The following PDS5A variants were observed in gnomAD, a reference collection of about 807,000 sequenced individuals.
PDS5A encodes the protein sister chromatid cohesion protein PDS5 homolog A.
Under a neutral mutation model 167.1 loss-of-function variants are expected in PDS5A, and 42 were observed. The ratio of observed to expected loss-of-function variants is 0.25; its 90% CI spans 0.20 to 0.33. The LOEUF (loss-of-function observed/expected upper bound fraction) is 0.33, where lower values mean the gene tolerates loss of function less well. Among genes scored for constraint, PDS5A ranks in the 10% least tolerant of loss-of-function variants. PDS5A has a pLI of 1.00. For synonymous variants in PDS5A, 553 were observed against 554.6 expected (o/e 1.00, Z 0.04); for missense variants, 1,033 against 1,605.9 (o/e 0.64, Z 6.10).
At chr4:39,960,776 A>G (rs575319218) in intron 2 of PDS5A, among the ~76,000 whole-genome samples, 16 of 149,484 alleles carry the variant, frequency 1.1e-4, no homozygotes, top group Middle Eastern at 3.5e-3. Context: ...TGCAACCTCC[A>G]CCTCCCGGGT....
intron 17 of PDS5A, among the ~76,000 whole-genome samples, chr4:39,885,036 G>C (rs1326059843): frequency 6.6e-6 from 1 of 152,102 alleles, no homozygotes; most frequent in Admixed American, 6.5e-5. Context: ...GCCGAGGTGG[G>C]CAGATTGCTT....
intron 2 of PDS5A, among the ~76,000 whole-genome samples, chr4:39,946,760 C>T (rs1727810091): frequency 6.6e-6 from 1 of 151,400 alleles, no homozygotes; most frequent in African/African-American, 2.4e-5. Context: ...ACTAAAAATA[C>T]AAAAAATCAG....
chr4:39,885,681 G>A (rs901411143), intron 17 of PDS5A, among the ~76,000 whole-genome samples: 9 of 151,958 alleles, frequency 5.9e-5, no homozygotes, highest in Admixed American at 1.3e-4. Flanking sequence ...TTTGGAGGCC[G>A]AAGTGGGTGG....
chr4:39,932,148 C>T (rs1380139797), intron 2 of PDS5A, among the ~76,000 whole-genome samples: 1 of 152,202 alleles, frequency 6.6e-6, no homozygotes. Flanking sequence ...CTGCCTCAGC[C>T]TCCCCAAATG....
At chr4:39,883,827 G>A (rs1721174127) in intron 17 of PDS5A, among the ~76,000 whole-genome samples, 2 of 151,542 alleles carry the variant, frequency 1.3e-5, no homozygotes, top group South Asian at 4.2e-4. Flanking sequence ...ATAGGGTTTT[G>A]CCATACTGCC....
chr4:39,946,666 G>C, intron 2 of PDS5A, among the ~76,000 whole-genome samples: 1 of 152,148 alleles, frequency 6.6e-6, no homozygotes, highest in East Asian at 1.9e-4. Context: ...TGTAATCCCA[G>C]AACTTTGGGA....
chr4:39,841,513 A>ATT (rs879278110), intron 31 of PDS5A, among the ~76,000 whole-genome samples: 10 of 142,640 alleles, frequency 7.0e-5, no homozygotes, highest in Admixed American at 1.4e-4. Context: ...GACCACACAA[A>ATT]TTTTTTTTTT....
At chr4:39,976,246 C>T (rs756178131) in intron 2 of PDS5A, 194 bp downstream of exon 2, 5 of 408,236 alleles carry the variant, frequency 1.2e-5, no homozygotes, top group Non-Finnish European at 1.7e-5. Context: ...AATCACACTC[C>T]TTTTAAATTT....
intron 9 of PDS5A, among the ~76,000 whole-genome samples, chr4:39,912,859 T>C (rs965701435): frequency 6.6e-6 from 1 of 152,204 alleles, no homozygotes; most frequent in African/African-American, 2.4e-5. Context: ...ATGGCAATCA[T>C]ATTTTCCACT....
intron 29 of PDS5A, among the ~76,000 whole-genome samples, chr4:39,845,137 G>A (rs774173168): frequency 6.6e-6 from 1 of 152,146 alleles, no homozygotes; most frequent in Non-Finnish European, 1.5e-5. Context: ...GAACCCAGGA[G>A]GTGAAGGTTG....
intron 2 of PDS5A, among the ~76,000 whole-genome samples, chr4:39,968,273 T>C (rs1296143391): frequency 6.6e-6 from 1 of 151,646 alleles, no homozygotes; most frequent in East Asian, 1.9e-4. Context: ...GTATTTTAAA[T>C]GTCACTTATT....
intron 2 of PDS5A, among the ~76,000 whole-genome samples, chr4:39,967,579 G>A (rs956672129): frequency 3.3e-5 from 5 of 150,474 alleles, no homozygotes; most frequent in East Asian, 2.0e-4. Flanking sequence ...CTCAGGAGGC[G>A]GAAGTTGCAG....
At chr4:39,910,134 A>G in intron 10 of PDS5A, 110 bp downstream of exon 10, 1 of 555,688 alleles carries the variant, frequency 1.8e-6, no homozygotes, top group East Asian at 2.9e-5. Flanking sequence ...TGAAAACACG[A>G]GACCATACCA....
intron 26 of PDS5A, among the ~76,000 whole-genome samples, chr4:39,860,186 G>A (rs1485902220): frequency 1.2e-4 from 19 of 152,068 alleles, no homozygotes; most frequent in Admixed American, 7.9e-4. Flanking sequence ...CATCTTGGCC[G>A]GGCACAGTGG....
At chr4:39,838,342 T>C in intron 31 of PDS5A, 134 bp from the exon 32 acceptor site, 1 of 654,786 alleles carries the variant, frequency 1.5e-6, no homozygotes, top group Non-Finnish European at 2.6e-6. Context: ...TACATCACAT[T>C]AGGAAAGTAA....
chr4:39,850,924 CA>C (rs941269076), intron 26 of PDS5A, among the ~76,000 whole-genome samples: 1 of 152,220 alleles, frequency 6.6e-6, no homozygotes, highest in African/African-American at 2.4e-5. Context: ...CCTGCATCAA[CA>C]GGGGAGAAAC....
At chr4:39,835,911 T>C (rs1716338708) in intron 32 of PDS5A, among the ~76,000 whole-genome samples, 1 of 152,198 alleles carries the variant, frequency 6.6e-6, no homozygotes, top group South Asian at 2.1e-4. Context: ...CTGTGTGTGA[T>C]GATTAGTACT....
chr4:39,926,012 ATTTTTAG>A, intron 4 of PDS5A, 79 bp from the exon 5 acceptor site: 1 of 415,444 alleles, frequency 2.4e-6, no homozygotes, highest in Non-Finnish European at 4.1e-6. Context: ...TAAAAAATTA[ATTTTTAG>A]AGTTAGAAAC....
chr4:39,885,105 T>C (rs1420564302), intron 17 of PDS5A, among the ~76,000 whole-genome samples: 3 of 142,612 alleles, frequency 2.1e-5, no homozygotes. Flanking sequence ...CTACTAAAAA[T>C]ACAAAAAATT....
Sources: allele counts gnomAD v4.1 joint callset (sites outside exome capture counted in the v4.1 genomes callset), GRCh38; gene constraint gnomAD v4.1.1; transcripts MANE v1.5; gene names NCBI Gene and HGNC (gene_info 2026-07-23, HGNC 2026-07-21).